The following PTDSS1 variants were observed in gnomAD, a reference collection of about 807,000 sequenced individuals.
PTDSS1 encodes the protein PSS-1.
Under a neutral mutation model 70.5 loss-of-function variants are expected in PTDSS1, and 45 were observed. That is an observed-to-expected ratio of 0.64 (90% CI 0.50 to 0.82). PTDSS1 has a LOEUF of 0.82. PTDSS1 is among the 40% of genes least tolerant of loss of function. PTDSS1 has a pLI of 0.00. For synonymous variants in PTDSS1, 188 were observed against 203.8 expected (o/e 0.92, Z 0.66); for missense variants, 417 against 586.1 (o/e 0.71, Z 2.98).
At chr8:96,288,507 T>G in intron 4 of PTDSS1, among the ~76,000 whole-genome samples, 1 of 151,916 alleles carries the variant, frequency 6.6e-6, no homozygotes, top group East Asian at 1.9e-4. Flanking sequence ...GTATTTTTAG[T>G]AGAGACGGTG....
chr8:96,313,951 C>T (rs886313447), intron 9 of PTDSS1, among the ~76,000 whole-genome samples: 1 of 152,192 alleles, frequency 6.6e-6, no homozygotes, highest in African/African-American at 2.4e-5. Flanking sequence ...TTGCTGGCTT[C>T]CCATTCTACC....
chr8:96,290,143 TG>T (rs1810882525), intron 4 of PTDSS1, among the ~76,000 whole-genome samples: 1 of 152,238 alleles, frequency 6.6e-6, no homozygotes, highest in Non-Finnish European at 1.5e-5. Context: ...TGGATCTCTC[TG>T]GCGTCAAAAC....
intron 2 of PTDSS1, 113 bp downstream of exon 2, chr8:96,273,503 G>A: frequency 1.3e-6 from 1 of 798,942 alleles, no homozygotes; most frequent in East Asian, 2.7e-5. Flanking sequence ...TTTGTGTAGT[G>A]GTTAGGGGCA....
chr8:96,333,655 G>A lies in PTDSS1; in HGVS notation c.*89G>A, dbSNP rs1431253662. The A allele has an allele frequency of 8.0e-7, 1 of 1,257,164 alleles. No homozygotes were observed. Among genetic ancestry groups the A allele is most frequent in the Non-Finnish European group, 1.2e-6 (1 of 859,060 alleles). The allele number at this position is 1,257,164 out of a possible 1,614,324, so 77.9% of individuals were successfully genotyped here. A position where few individuals can be genotyped will look rare whatever the true frequency, so the allele number is the denominator to read the frequency against. ...TGGAACTCCCCGTGAGGAGGTCGAGGCGCACAGGGCAAGCAGGAAGAGGCG... is the reference window on the plus strand; with the variant it reads ...TGGAACTCCCCGTGAGGAGGTCGAGACGCACAGGGCAAGCAGGAAGAGGCG... On this transcript the variant is annotated 3_prime_UTR_variant, in exon 13 of 13. Transcript: ENST00000517309.
chr8:96,282,284 T>C (rs1346048463), intron 2 of PTDSS1, among the ~76,000 whole-genome samples: 1 of 152,180 alleles, frequency 6.6e-6, no homozygotes, highest in Admixed American at 6.5e-5. Flanking sequence ...AGATGATAAT[T>C]TTAGCCATGA....
chr8:96,271,397 G>A (rs1391346781), intron 1 of PTDSS1, among the ~76,000 whole-genome samples: 6 of 152,022 alleles, frequency 3.9e-5, no homozygotes, highest in African/African-American at 1.4e-4. Flanking sequence ...TTAAATGGCT[G>A]CCCAGCTTCC....
intron 10 of PTDSS1, 143 bp from the exon 11 acceptor site, chr8:96,330,070 A>G (rs1237949507): frequency 2.7e-6 from 2 of 735,344 alleles, no homozygotes; most frequent in Non-Finnish European, 4.7e-6. Flanking sequence ...TTGAGGTCTG[A>G]TCTCTGCCAC....
intron 2 of PTDSS1, among the ~76,000 whole-genome samples, chr8:96,277,364 C>T (rs975895533): frequency 2.6e-5 from 4 of 152,206 alleles, no homozygotes; most frequent in African/African-American, 9.6e-5. Context: ...CCCTGAGGTG[C>T]GTGGCCTCCC....
chr8:96,333,081 G>A (rs541721284), intron 12 of PTDSS1, among the ~76,000 whole-genome samples: 5 of 152,162 alleles, frequency 3.3e-5, no homozygotes, highest in Non-Finnish European at 5.9e-5. Context: ...GGAAACCCTT[G>A]GTTGCAGGGC....
At chr8:96,283,992 C>A in intron 2 of PTDSS1, 117 bp from the exon 3 acceptor site, 473 of 602,998 alleles carry the variant, frequency 7.8e-4, no homozygotes, top group Middle Eastern at 1.6e-3. Flanking sequence ...AAAAAAAAAA[C>A]TTTTAACAGT....
At chr8:96,304,231 A>C in intron 7 of PTDSS1, 50 bp downstream of exon 7, 3 of 1,559,984 alleles carry the variant, frequency 1.9e-6, no homozygotes, top group African/African-American at 1.4e-5. Context: ...AACTAAAATA[A>C]AAACTTTTTA....
At chr8:96,297,250 C>G (rs980443176) in intron 5 of PTDSS1, among the ~76,000 whole-genome samples, 6 of 152,170 alleles carry the variant, frequency 3.9e-5, no homozygotes, top group Non-Finnish European at 7.4e-5. Context: ...GCGATCTTGG[C>G]TCACTGCAAC....
chr8:96,314,380 G>A (rs1811254936), intron 9 of PTDSS1, among the ~76,000 whole-genome samples: 1 of 152,096 alleles, frequency 6.6e-6, no homozygotes, highest in African/African-American at 2.4e-5. Context: ...ATGCAACTAT[G>A]AGCATGAGCT....
chr8:96,265,018 TG>T lies in PTDSS1; in HGVS notation c.179+2800del, dbSNP rs1810466728. On this transcript the variant is annotated intron_variant, in intron 1 of 12. Transcript: ENST00000517309. ...ACTAAATCTTACTCATTTTTTGTAA[TG>T]ATTTGTGACTTAAGTGGGGCATTAC... Among the ~76,000 whole-genome samples, 4 of 152,346 alleles carry T rather than the reference TG, an allele frequency of 2.6e-5. No homozygotes were observed. In the South Asian group the frequency reaches 8.3e-4, roughly 32 times the overall value.
intron 2 of PTDSS1, among the ~76,000 whole-genome samples, chr8:96,281,540 G>C (rs924736194): frequency 6.6e-6 from 1 of 152,112 alleles, no homozygotes; most frequent in African/African-American, 2.4e-5. Flanking sequence ...CCCTTTCCCT[G>C]GTCTTGCTTT....
At chr8:96,329,425 CTT>C (rs1332838759) in intron 10 of PTDSS1, among the ~76,000 whole-genome samples, 4 of 152,302 alleles carry the variant, frequency 2.6e-5, no homozygotes, top group South Asian at 2.1e-4. Flanking sequence ...CAGCTGGAGA[CTT>C]TTCCTAAGCT....
In PTDSS1 at chr8:96,309,617, G is replaced by A. The variant is rs1453051329; in HGVS notation, c.1068G>A (p.Val356=). ...QCKRVGTQCW[V]FGVIGFLEAI... ...AGCGCGTAGGAACACAATGCTGGGTGTTTGGGTGAGTAATCTGTTATTGTG... is the reference window on the plus strand; with the variant it reads ...AGCGCGTAGGAACACAATGCTGGGTATTTGGGTGAGTAATCTGTTATTGTG... The change falls in exon 9 of 13, where the codon GTG becomes GTA. Residue 356 remains valine (V), a synonymous_variant. Coordinates refer to ENST00000517309, the MANE Select transcript of PTDSS1 (RefSeq NM_014754.3). The A allele has an allele frequency of 1.2e-6, 2 of 1,613,862 alleles. No individual in the cohort carries two copies. The highest frequency in any genetic ancestry group is 1.3e-5 in the African/African-American group (1 of 74,902).
At chr8:96,283,416 G>A (rs1243955569) in intron 2 of PTDSS1, among the ~76,000 whole-genome samples, 2 of 152,026 alleles carry the variant, frequency 1.3e-5, no homozygotes, top group Non-Finnish European at 2.9e-5. Flanking sequence ...CTTTTTTAAT[G>A]AAAAAAGAGA....
intron 2 of PTDSS1, among the ~76,000 whole-genome samples, chr8:96,276,980 G>GCGCACACA (rs1160844973): frequency 3.4e-5 from 5 of 145,906 alleles, no homozygotes; most frequent in African/African-American, 1.3e-4. Flanking sequence ...GCACGCGCGC[G>GCGCACACA]CACACACACA....
Sources: gnomAD v4.1 joint callset for allele counts (sites outside exome capture counted in the v4.1 genomes callset) on GRCh38, gnomAD v4.1.1 for gene constraint, MANE v1.5 for transcripts, NCBI Gene and HGNC (gene_info 2026-07-23, HGNC 2026-07-21) for gene names.